Variants in SGCZ observed in about 807,000 individuals in gnomAD.
SGCZ encodes zeta-sarcoglycan.
A neutral mutation model predicts 41.3 loss-of-function variants in SGCZ; 40 were observed. The observed-to-expected ratio is 0.97, with a 90% CI of 0.75 to 1.26. SGCZ has a LOEUF of 1.26. Ranked by LOEUF, SGCZ falls within the 50% of genes most tolerant of loss-of-function variation. SGCZ has a pLI of 0.00. For synonymous variants in SGCZ, 206 were observed against 137.5 expected, an observed-to-expected ratio of 1.50 and a Z score of -3.49; for missense variants, 552 against 369.8, an observed-to-expected ratio of 1.49 and a Z score of -4.04.
At chr8:14,775,232 C>T (rs1345038484) in intron 1 of SGCZ, among the ~76,000 whole-genome samples, 1 of 151,892 alleles carries the variant, frequency 6.6e-6, no homozygotes, top group African/African-American at 2.4e-5. Context: ...GTTTCCAGAC[C>T]ACCCTTTGAG....
intron 5 of SGCZ, among the ~76,000 whole-genome samples, chr8:14,153,952 C>T (rs928423356): frequency 2.6e-4 from 39 of 151,980 alleles, no homozygotes; most frequent in African/African-American, 8.9e-4. Flanking sequence ...CACACACACA[C>T]ACACACACAT....
intron 1 of SGCZ, among the ~76,000 whole-genome samples, chr8:14,880,223 CAG>C (rs1229666372): frequency 6.6e-6 from 1 of 152,124 alleles, no homozygotes; most frequent in African/African-American, 2.4e-5. Flanking sequence ...CACTGGCCAT[CAG>C]AGAAATGCAA....
chr8:14,388,866 TGAAA>T (rs1804664675), intron 2 of SGCZ, among the ~76,000 whole-genome samples: 1 of 150,980 alleles, frequency 6.6e-6, no homozygotes, highest in African/African-American at 2.4e-5. Context: ...TGAAGCACTG[TGAAA>T]GAGATTGAGG....
At chr8:14,160,319 G>A (rs1004372293) in intron 5 of SGCZ, among the ~76,000 whole-genome samples, 13 of 152,264 alleles carry the variant, frequency 8.5e-5, no homozygotes, top group African/African-American at 3.1e-4. Flanking sequence ...TGTGGAATAC[G>A]AATGAAACTG....
intron 1 of SGCZ, among the ~76,000 whole-genome samples, chr8:15,098,913 C>T (rs371566663): frequency 1.3e-5 from 2 of 152,064 alleles, no homozygotes; most frequent in African/African-American, 4.8e-5. Flanking sequence ...CAAAAATTAG[C>T]CGGGGGTGGT....
chr8:14,415,087 T>A (rs536135741), intron 2 of SGCZ, among the ~76,000 whole-genome samples: 3 of 151,964 alleles, frequency 2.0e-5, no homozygotes, highest in Non-Finnish European at 2.9e-5. Context: ...GTTTTTACAA[T>A]CCCCTGAAGT....
intron 2 of SGCZ, among the ~76,000 whole-genome samples, chr8:14,481,736 T>A (rs1801539988): frequency 1.3e-5 from 2 of 152,302 alleles, no homozygotes; most frequent in East Asian, 1.9e-4. Context: ...AATTAAAATT[T>A]AAAAAATTAA....
At chr8:14,101,665 C>T (rs1192380570) in intron 7 of SGCZ, among the ~76,000 whole-genome samples, 1 of 134,018 alleles carries the variant, frequency 7.5e-6, no homozygotes, top group Admixed American at 7.5e-5. Context: ...CATTCCTAAA[C>T]AGTAAAACTT....
chr8:14,351,401 T>G (rs1803087336), intron 2 of SGCZ, among the ~76,000 whole-genome samples: 2 of 152,206 alleles, frequency 1.3e-5, no homozygotes, highest in Non-Finnish European at 1.5e-5. Context: ...ACTTCAGCCT[T>G]GTCTTCACCT....
chr8:14,268,364 T>A (rs1460619681), intron 3 of SGCZ, among the ~76,000 whole-genome samples: 3 of 150,854 alleles, frequency 2.0e-5, no homozygotes, highest in Admixed American at 6.6e-5. Flanking sequence ...TGTGTATATA[T>A]ATATATTCTC....
intron 2 of SGCZ, among the ~76,000 whole-genome samples, chr8:14,453,326 T>C (rs1012223950): frequency 9.9e-5 from 15 of 152,198 alleles, no homozygotes; most frequent in Non-Finnish European, 1.5e-5. Flanking sequence ...GTCAATAATT[T>C]CTTTTCAGGA....
At chr8:15,119,834 C>T (rs1350068683) in intron 1 of SGCZ, among the ~76,000 whole-genome samples, 1 of 152,046 alleles carries the variant, frequency 6.6e-6, no homozygotes, top group East Asian at 1.9e-4. Flanking sequence ...TTTTTTGAGA[C>T]AGTCTCGCTC....
intron 1 of SGCZ, among the ~76,000 whole-genome samples, chr8:14,996,407 TG>T: frequency 6.6e-6 from 1 of 152,176 alleles, no homozygotes; most frequent in Non-Finnish European, 1.5e-5. Flanking sequence ...ATTTTGTTTT[TG>T]TTTTGTTTTG....
intron 1 of SGCZ, among the ~76,000 whole-genome samples, chr8:15,093,494 G>A (rs1349595660): frequency 6.6e-6 from 1 of 152,136 alleles, no homozygotes; most frequent in Non-Finnish European, 1.5e-5. Context: ...CAGTTGCTTA[G>A]AAAAGGGTCT....
chr8:14,186,389 G>C (rs1439463688), intron 4 of SGCZ, among the ~76,000 whole-genome samples: 1 of 152,140 alleles, frequency 6.6e-6, no homozygotes. Flanking sequence ...ACTTTATGTA[G>C]GTGCAGCCAA....
At chr8:14,670,907 C>T (rs553784355) in intron 1 of SGCZ, among the ~76,000 whole-genome samples, 1 of 152,292 alleles carries the variant, frequency 6.6e-6, no homozygotes, top group African/African-American at 2.4e-5. Context: ...TAATTTACTA[C>T]CCTATAGAAC....
intron 2 of SGCZ, among the ~76,000 whole-genome samples, chr8:14,385,047 C>A (rs1804521135): frequency 6.6e-6 from 1 of 152,092 alleles, no homozygotes; most frequent in Non-Finnish European, 1.5e-5. Flanking sequence ...GATGAAGAAG[C>A]TATGTAGAGT....
chr8:15,194,083 A>T (rs765485717), intron 1 of SGCZ, among the ~76,000 whole-genome samples: 9 of 152,126 alleles, frequency 5.9e-5, no homozygotes, highest in Non-Finnish European at 1.0e-4. Context: ...AAGACAAAAC[A>T]TAGAGTTATT....
intron 2 of SGCZ, among the ~76,000 whole-genome samples, chr8:14,381,212 T>C (rs890215357): frequency 6.6e-6 from 1 of 152,266 alleles, no homozygotes; most frequent in Non-Finnish European, 1.5e-5. Context: ...CTAATGTTTT[T>C]GGCCAGAGGC....
Sources: gnomAD v4.1 joint callset for allele counts (sites outside exome capture counted in the v4.1 genomes callset) on GRCh38, gnomAD v4.1.1 for gene constraint, MANE v1.5 for transcripts, NCBI Gene and HGNC (gene_info 2026-07-23, HGNC 2026-07-21) for gene names.